ELOVL7: variants seen among roughly 807,000 people sequenced by gnomAD.
ELOVL7 encodes ELOVL fatty acid elongase 7, also known as very long chain fatty acid elongase 7.
ELOVL7 carries 27 observed loss-of-function variants against 35.7 expected under a neutral mutation model. The observed-to-expected ratio is 0.76, with a 90% confidence interval of 0.56 to 1.04. The LOEUF is 1.04. Among genes scored for constraint, ELOVL7 ranks in the 50% least tolerant of loss-of-function variants. ELOVL7 has a pLI of 0.00. For missense variants in ELOVL7, 327 were observed against 340.8 expected, an observed-to-expected ratio of 0.96 and a Z score of 0.32; for synonymous variants, 113 against 114.6, an observed-to-expected ratio of 0.99 and a Z score of 0.09.
At chr5:60,774,143 T>C (rs1742765207) in intron 3 of ELOVL7, among the ~76,000 whole-genome samples, 1 of 152,110 alleles carries the variant, frequency 6.6e-6, no homozygotes, top group African/African-American at 2.4e-5. Flanking sequence ...ATGAAACCAG[T>C]ATCATCCTGA....
intron 1 of ELOVL7, among the ~76,000 whole-genome samples, chr5:60,817,679 C>CACACACCATATATAT (rs1554066905): frequency 7.1e-6 from 1 of 141,428 alleles, no homozygotes; most frequent in East Asian, 2.1e-4. Context: ...CACATATATA[C>CACACACCATATATAT]ACACACACCA....
chr5:60,831,588 G>C (rs1458689734), intron 1 of ELOVL7, among the ~76,000 whole-genome samples: 2 of 152,168 alleles, frequency 1.3e-5, no homozygotes, highest in South Asian at 2.1e-4. Flanking sequence ...TGCTTTCAAA[G>C]AGTTTACCTT....
At chr5:60,806,993 C>T (rs1436373488) in intron 1 of ELOVL7, among the ~76,000 whole-genome samples, 1 of 152,192 alleles carries the variant, frequency 6.6e-6, no homozygotes, top group African/African-American at 2.4e-5. Flanking sequence ...AATTGCAAAA[C>T]GCTGTGGCCC....
intron 2 of ELOVL7, among the ~76,000 whole-genome samples, chr5:60,792,771 C>G (rs1381604616): frequency 2.6e-5 from 4 of 152,074 alleles, no homozygotes; most frequent in African/African-American, 9.7e-5. Context: ...AACCAGGACC[C>G]GAAAAGACAA....
In ELOVL7 at chr5:60,844,187, G is replaced by A. The variant is rs749124609; in HGVS notation, c.-113C>T. 2 of 152,074 alleles carry A rather than the reference G, an allele frequency of 1.3e-5. No individual in the cohort carries two copies. The highest frequency in any genetic ancestry group is 2.9e-5 in the Non-Finnish European group (2 of 68,080). The allele number at this position is 152,074 out of a possible 1,614,324, so 9.4% of individuals were successfully genotyped here. A position where few individuals can be genotyped will look rare whatever the true frequency, so the allele number is the denominator to read the frequency against. On this transcript the variant is annotated 5_prime_UTR_variant, in exon 1 of 9. Coordinates refer to ENST00000508821, the MANE Select transcript of ELOVL7 (RefSeq NM_024930.3). ...CACAGGGAGCGGAGCCGAAGCGCCG[G>A]GCGCGCGCGGGAGAGAGGGCGGCGA...
Position 60,818,389 on chromosome 5 carries a change from A to G in ELOVL7, c.-85-19159T>C, listed in dbSNP as rs75823518. 4.2e-3 allele frequency among the ~76,000 whole-genome samples: 632 copies of G among 151,820 alleles called. 6 individuals carry two copies. Among genetic ancestry groups the G allele is most frequent in the South Asian group, 0.022 (106 of 4,808 alleles). ...ATGAAATAGCTTTACCTATGCTGCT[A>G]TGGAATAATCACTAAAAATCACACA... On this transcript the variant is annotated intron_variant, in intron 1 of 8. Transcript: ENST00000508821.
At position 60,752,725 on chromosome 5, in the gene ELOVL7, G is replaced by C. The variant is rs1741336732; in HGVS notation, c.*1899C>G. On this transcript the variant is annotated 3_prime_UTR_variant, in exon 9 of 9. Transcript: ENST00000508821. ...CCCAGAACTTTGGGAGGCCGAGGTG[G>C]GAGGATCACCTGAGGTCAGGAGCTC... 1 of 152,054 alleles carries C rather than the reference G, an allele frequency of 6.6e-6. No homozygotes were observed. Among genetic ancestry groups the C allele is most frequent in the Admixed American group, 6.6e-5 (1 of 15,248 alleles). 9.4% of individuals were successfully genotyped at this position (152,054 alleles called of 1,614,324 possible).
rs1742334891 is a variant in ELOVL7, at chr5:60,767,835, G to A, written c.324C>T (p.Pro108=). Residue 108 remains proline, a synonymous_variant, in exon 5 of 9, where the codon CCC becomes CCT. Coordinates refer to ENST00000508821, the MANE Select transcript of ELOVL7 (RefSeq NM_024930.3). Reference sequence around the variant, plus strand: ...AAGAGAAACTTACCCTCAAAGCTGTGGGTGACCGTGAATAGTCAACAATGT... The same window carrying A: ...AAGAGAAACTTACCCTCAAAGCTGTAGGTGACCGTGAATAGTCAACAATGT... ...RCDIVDYSRS[P]TALRMARTCW... 6.2e-7 allele frequency: 1 copy of A among 1,613,120 alleles called. No individual in the cohort carries two copies. Among genetic ancestry groups the A allele is most frequent in the Admixed American group, 1.7e-5 (1 of 59,982 alleles).
At chr5:60,813,703 A>C (rs1745364392) in intron 1 of ELOVL7, among the ~76,000 whole-genome samples, 1 of 152,086 alleles carries the variant, frequency 6.6e-6, no homozygotes, top group Non-Finnish European at 1.5e-5. Flanking sequence ...ACTTGTTAAA[A>C]GACCACTAGC....
chr5:60,751,863 T>C lies in ELOVL7; in HGVS notation c.*2761A>G, dbSNP rs1329656569. On this transcript the variant is annotated 3_prime_UTR_variant, in exon 9 of 9. Transcript: ENST00000508821. ...TCAAACTTTGACAACATCCACAGAA[T>C]GTTCCAGTCTTTAAAAAGTTAGCAG... 1 of 152,156 alleles carries C rather than the reference T, an allele frequency of 6.6e-6. No individual in the cohort carries two copies. Among genetic ancestry groups the C allele is most frequent in the Non-Finnish European group, 1.5e-5 (1 of 68,030 alleles). 9.4% of individuals were successfully genotyped at this position (152,156 alleles called of 1,614,324 possible). A position where few individuals can be genotyped will look rare whatever the true frequency, so the allele number is the denominator to read the frequency against.
rs1025603996 is a variant in ELOVL7 at position 60,826,652 on chromosome 5, A to G, written c.-86+17508T>C. Reference sequence around the variant, plus strand: ...GTTTGTTACTAGCATTCCTGTTTCTACAAAATCTCACTCATTCTAATTTGT... The same window carrying G: ...GTTTGTTACTAGCATTCCTGTTTCTGCAAAATCTCACTCATTCTAATTTGT... On this transcript the variant is annotated intron_variant, in intron 1 of 8. Coordinates refer to ENST00000508821, the MANE Select transcript of ELOVL7 (RefSeq NM_024930.3). Among the ~76,000 whole-genome samples the G allele has an allele frequency of 2.6e-5, 4 of 152,188 alleles. No homozygotes were observed. In the South Asian group the frequency reaches 6.2e-4, roughly 24 times the overall value.
At chr5:60,756,032 T>C (rs1741520370) in intron 8 of ELOVL7, among the ~76,000 whole-genome samples, 1 of 152,172 alleles carries the variant, frequency 6.6e-6, no homozygotes, top group Non-Finnish European at 1.5e-5. Context: ...TCCCACAACA[T>C]AGCCACTTAT....
rs1429642781 is a variant in ELOVL7, at chr5:60,771,898, C to A, written c.255+5G>T. The A allele has an allele frequency of 2.5e-6, 4 of 1,579,082 alleles. No homozygotes were observed. In the South Asian group the frequency reaches 4.6e-5, roughly 18 times the overall value. ...TCTCCCATTAGGAATACTGAAGACA[C>A]TTGCCTCATAACACATATACACAGA... On this transcript the variant is annotated splice_donor_5th_base_variant and intron_variant, in intron 4 of 8. Transcript: ENST00000508821.
At chr5:60,836,533 A>G (rs754994171) in intron 1 of ELOVL7, among the ~76,000 whole-genome samples, 2 of 152,098 alleles carry the variant, frequency 1.3e-5, no homozygotes, top group Non-Finnish European at 2.9e-5. Context: ...TCTGTCCTAC[A>G]GGATGCAACA....
chr5:60,780,195 CT>C (rs1270091471), intron 3 of ELOVL7, among the ~76,000 whole-genome samples: 1 of 148,634 alleles, frequency 6.7e-6, no homozygotes, highest in Non-Finnish European at 1.5e-5. Context: ...TCTCGGCTCA[CT>C]GCAACCTCTG....
chr5:60,763,082 T>C (rs927573270), intron 7 of ELOVL7, among the ~76,000 whole-genome samples: 1 of 152,212 alleles, frequency 6.6e-6, no homozygotes, highest in Non-Finnish European at 1.5e-5. Flanking sequence ...CTTGTTTTAA[T>C]GTAAATGAAA....
intron 1 of ELOVL7, among the ~76,000 whole-genome samples, chr5:60,829,666 AAAGGCTGGT>A (rs1353712118): frequency 6.6e-6 from 1 of 152,218 alleles, no homozygotes; most frequent in Non-Finnish European, 1.5e-5. Flanking sequence ...GGAATGATGA[AAAGGCTGGT>A]AAGATTTTGG....
At chr5:60,839,422 T>C (rs781588234) in intron 1 of ELOVL7, among the ~76,000 whole-genome samples, 1 of 152,206 alleles carries the variant, frequency 6.6e-6, no homozygotes, top group Admixed American at 6.5e-5. Context: ...CTTGCCAATG[T>C]AATAATATGT....
At chr5:60,794,270 G>A (rs971453729) in intron 2 of ELOVL7, among the ~76,000 whole-genome samples, 4 of 152,206 alleles carry the variant, frequency 2.6e-5, no homozygotes, top group Admixed American at 6.5e-5. Context: ...TGAGAAATGC[G>A]CCTTCTTCGT....
Sources: gnomAD v4.1 joint callset for allele counts (sites outside exome capture counted in the v4.1 genomes callset) on GRCh38, gnomAD v4.1.1 for gene constraint, MANE v1.5 for transcripts, NCBI Gene and HGNC (gene_info 2026-07-23, HGNC 2026-07-21) for gene names.